Variants in DNAH11 observed in about 807,000 individuals in gnomAD.
The protein encoded by DNAH11 is dynein axonemal heavy chain 11.
A neutral mutation model predicts 526.0 loss-of-function variants in DNAH11; 442 were observed. The observed-to-expected ratio is 0.84, with a 90% CI of 0.78 to 0.91. The LOEUF is 0.91. Ranked by LOEUF, DNAH11 falls within the 40% of genes least tolerant of loss-of-function variation. DNAH11 has a pLI of 0.00. For missense variants in DNAH11, 6,989 were observed against 5,448.7 expected (o/e 1.28, Z -8.90); for synonymous variants, 2,461 against 1,935.9 (o/e 1.27, Z -7.12).
At chr7:21,574,005 C>T (rs554525435) in intron 8 of DNAH11, among the ~76,000 whole-genome samples, 13 of 152,252 alleles carry the variant, frequency 8.5e-5, no homozygotes, top group South Asian at 4.2e-4. Flanking sequence ...GGTTTGCTGC[C>T]GTGGTCCATT....
In DNAH11 at chr7:21,901,074, G is replaced by A; in HGVS notation, c.13371G>A (p.Met4457Ile). ...EARLKELACP[M>I]PVIFAKATPV... ...GTCTCAAGGAGCTGGCATGCCCTATGCCGGTCATCTTTGCAAAAGCCACCC... is the reference window on the plus strand; with the variant it reads ...GTCTCAAGGAGCTGGCATGCCCTATACCGGTCATCTTTGCAAAAGCCACCC... Residue 4457 changes from methionine (M) to isoleucine (I), a missense_variant, in exon 82 of 82, where the codon ATG becomes ATA. Transcript: ENST00000409508. The A allele has an allele frequency of 1.9e-6, 3 of 1,613,968 alleles. No homozygotes were observed. The highest frequency in any genetic ancestry group is 2.5e-6 in the Non-Finnish European group (3 of 1,179,856).
intron 6 of DNAH11, among the ~76,000 whole-genome samples, chr7:21,565,934 C>T (rs771250398): frequency 1.3e-5 from 2 of 152,118 alleles, no homozygotes; most frequent in Admixed American, 1.3e-4. Flanking sequence ...ATATCTGTTA[C>T]TCTGTTGGGC....
At position 21,655,860 on chromosome 7, in the gene DNAH11, ACAG is replaced by A. The variant is rs1781993726; in HGVS notation, c.4976_4978del (p.Ser1659del). 6.2e-7 allele frequency: 1 copy of A among 1,613,292 alleles called. No homozygotes were observed. The highest frequency in any genetic ancestry group is 8.5e-7 in the Non-Finnish European group (1 of 1,179,524). The stretch of plus-strand genomic sequence containing the variant: ...ACATGTCACCTTGCCAAACTTTTCG[ACAG>A]CATTGCAGATCTGCAGTTTGAAGAC... On this transcript the variant is annotated inframe_deletion, in exon 29 of 82. Coordinates refer to ENST00000409508, the MANE Select transcript of DNAH11 (RefSeq NM_001277115.2).
In DNAH11 at chr7:21,885,635, G is replaced by A. The variant is rs952582535; in HGVS notation, c.12507+1225G>A. 2.6e-5 allele frequency among the ~76,000 whole-genome samples: 4 copies of A among 152,182 alleles called. No homozygotes were observed. In the East Asian group the frequency reaches 5.8e-4, roughly 22 times the overall value. On this transcript the variant is annotated intron_variant, in intron 76 of 81. Transcript: ENST00000409508. ...TTGTATGTTCCCACCCCAAAGAAAT[G>A]AGAAATATTTAAGATGATGGGCCTG...
In DNAH11 at chr7:21,564,226, T is replaced by C. The variant is rs368303495; in HGVS notation, c.1023T>C (p.Pro341=). 9 of 1,610,692 alleles carry C rather than the reference T, an allele frequency of 5.6e-6. No homozygotes were observed. The African/African-American group carries it at 1.2e-4, about 22-fold the overall frequency. The change falls in exon 6 of 82, where the codon CCT becomes CCC. Residue 341 remains proline, a synonymous_variant. Transcript: ENST00000409508. ...EAQDVELYLR[P]LRRHIQCLQE... Reference sequence around the variant, plus strand: ...AAGATGTGGAACTTTACCTGAGACCTCTGAGGAGACACATCCAGTGTCTCC... The same window carrying C: ...AAGATGTGGAACTTTACCTGAGACCCCTGAGGAGACACATCCAGTGTCTCC...
chr7:21,669,285 C>A (rs1583578435), intron 30 of DNAH11, among the ~76,000 whole-genome samples: 1 of 152,142 alleles, frequency 6.6e-6, no homozygotes, highest in Non-Finnish European at 1.5e-5. Flanking sequence ...GATTCTCCTG[C>A]CTCAGCCTCT....
chr7:21,688,306 A>T (rs781086878), intron 34 of DNAH11, among the ~76,000 whole-genome samples: 14 of 152,176 alleles, frequency 9.2e-5, no homozygotes, highest in South Asian at 2.1e-4. Flanking sequence ...TACTGTGATG[A>T]TTAAATGCAA....
intron 28 of DNAH11, among the ~76,000 whole-genome samples, chr7:21,654,350 T>C (rs1781919626): frequency 6.6e-6 from 1 of 152,188 alleles, no homozygotes; most frequent in Non-Finnish European, 1.5e-5. Flanking sequence ...GTGTGGTATA[T>C]TGTGACTAGT....
At chr7:21,588,701 G>A in intron 11 of DNAH11, 65 bp downstream of exon 11, 1 of 1,562,124 alleles carries the variant, frequency 6.4e-7, no homozygotes, top group Admixed American at 1.7e-5. Flanking sequence ...TTATATAAGA[G>A]AGTGAGCTGT....
chr7:21,854,572 C>CTCTGTCTCAATAAT, intron 68 of DNAH11, 117 bp downstream of exon 68: 1 of 1,142,618 alleles, frequency 8.8e-7, no homozygotes, highest in Non-Finnish European at 1.2e-6. Flanking sequence ...ATTATTGAGA[C>CTCTGTCTCAATAAT]AGAGTCTCAC....
At chr7:21,638,691 G>GGGGTGTGT (rs71026809) in intron 27 of DNAH11, among the ~76,000 whole-genome samples, 15 of 144,116 alleles carry the variant, frequency 1.0e-4, no homozygotes, top group African/African-American at 3.3e-4. Context: ...CAGCTAATGG[G>GGGGTGTGT]GTGTGTGTGT....
At chr7:21,865,870 C>T (rs558918939) in intron 70 of DNAH11, among the ~76,000 whole-genome samples, 19 of 152,258 alleles carry the variant, frequency 1.2e-4, no homozygotes, top group South Asian at 2.1e-4. Context: ...GTGGATTATT[C>T]ATATCTCCCC....
chr7:21,765,601 C>A lies in DNAH11; in HGVS notation c.9102+12C>A. ...CCAAGGGAATTGAGGTATGCCGTGTCAGCCTGCGTCACACACACACACACA... is the reference window on the plus strand; with the variant it reads ...CCAAGGGAATTGAGGTATGCCGTGTAAGCCTGCGTCACACACACACACACA... On this transcript the variant is annotated intron_variant, in intron 55 of 81. Coordinates refer to ENST00000409508, the MANE Select transcript of DNAH11 (RefSeq NM_001277115.2). The A allele has an allele frequency of 8.7e-7, 1 of 1,147,880 alleles. No homozygotes were observed. Among genetic ancestry groups the A allele is most frequent in the African/African-American group, 1.5e-5 (1 of 66,672 alleles). 71.1% of individuals were successfully genotyped at this position (1,147,880 alleles called of 1,614,324 possible).
chr7:21,551,083 C>T (rs1006483939), intron 2 of DNAH11, among the ~76,000 whole-genome samples: 2 of 152,176 alleles, frequency 1.3e-5, no homozygotes, highest in Non-Finnish European at 2.9e-5. Context: ...TCCCCGAAGA[C>T]TCCCTTTGTA....
Position 21,549,157 on chromosome 7 carries a change from G to A in DNAH11, c.495+4008G>A, listed in dbSNP as rs144282761. Among the ~76,000 whole-genome samples the A allele has an allele frequency of 8.7e-3, 1,331 of 152,266 alleles. 20 individuals carry two copies. Among genetic ancestry groups the A allele is most frequent in the African/African-American group, 0.029 (1,213 of 41,540 alleles). On this transcript the variant is annotated intron_variant, in intron 2 of 81. Coordinates refer to ENST00000409508, the MANE Select transcript of DNAH11 (RefSeq NM_001277115.2). ...GCCTCCCAAAGTCCTGGGAATACAG[G>A]CATGAGCCACCGTACCTGGCCAATG...
intron 44 of DNAH11, 73 bp from the exon 45 acceptor site, chr7:21,725,738 T>G: frequency 6.9e-7 from 1 of 1,446,974 alleles, no homozygotes. Flanking sequence ...ATATTGTTAC[T>G]CATAATTTGT....
At chr7:21,817,053 C>T (rs970728698) in intron 64 of DNAH11, among the ~76,000 whole-genome samples, 2 of 152,096 alleles carry the variant, frequency 1.3e-5, no homozygotes, top group Admixed American at 1.3e-4. Flanking sequence ...TGCCTCCGGG[C>T]TTCATGATGT....
rs372517354 is a variant in DNAH11 at position 21,801,243 on chromosome 7, T to C, written c.10133T>C (p.Leu3378Ser). 19 of 1,613,780 alleles carry C rather than the reference T, an allele frequency of 1.2e-5. No individual in the cohort carries two copies. The highest frequency in any genetic ancestry group is 1.6e-5 in the Non-Finnish European group (19 of 1,179,864). Residue 3378 changes from leucine (L) to serine (S), a missense_variant, in exon 62 of 82, where the codon TTA becomes TCA. Transcript: ENST00000409508. ...EVNQTNKTIKLANRLVKELEA... is the reference protein window; with the variant it reads ...EVNQTNKTIKSANRLVKELEA... ...AACCAAACCAACAAAACCATCAAAT[T>C]AGCTAACAGACTTGTCAAGGAACTT...
chr7:21,793,963 CT>C (rs1242171204), intron 61 of DNAH11, among the ~76,000 whole-genome samples: 2 of 152,028 alleles, frequency 1.3e-5, no homozygotes, highest in Non-Finnish European at 2.9e-5. Context: ...ATCATTTTTC[CT>C]TTTTTCACCT....
Sources: gnomAD v4.1 joint callset for allele counts (sites outside exome capture counted in the v4.1 genomes callset) on GRCh38, gnomAD v4.1.1 for gene constraint, MANE v1.5 for transcripts, NCBI Gene and HGNC (gene_info 2026-07-23, HGNC 2026-07-21) for gene names.